TASP1: variants seen among roughly 807,000 people sequenced by gnomAD.
TASP1 encodes the protein threonine aspartase 1.
In TASP1, 16 loss-of-function variants were observed where a neutral mutation model predicts 56.6. The observed-to-expected ratio is 0.28, with a 90% CI of 0.19 to 0.43. TASP1 has a LOEUF of 0.43. Among genes scored for constraint, TASP1 ranks in the 20% least tolerant of loss-of-function variants. The probability of loss-of-function intolerance (pLI) is 1.00; values close to 1 mark genes in which losing one functional copy is unlikely to be tolerated. For synonymous variants in TASP1, 179 were observed against 184.2 expected (o/e 0.97, Z 0.23); for missense variants, 393 against 511.6 (o/e 0.77, Z 2.24).
the TASP1 span, among the ~76,000 whole-genome samples, chr20:13,355,030 T>C: frequency 6.6e-6 from 1 of 152,004 alleles, no homozygotes; most frequent in Non-Finnish European, 1.5e-5. Context: ...ACAATTTAGC[T>C]CAAGATTGTG....
the TASP1 span, among the ~76,000 whole-genome samples, chr20:13,343,190 C>G: frequency 6.6e-6 from 1 of 152,194 alleles, no homozygotes; most frequent in Non-Finnish European, 1.5e-5. Context: ...CTACAATTCT[C>G]TCTGCCCACA....
the TASP1 span, among the ~76,000 whole-genome samples, chr20:13,233,063 A>G: frequency 4.0e-5 from 6 of 151,652 alleles, no homozygotes; most frequent in Admixed American, 3.3e-4. Flanking sequence ...AGTGTCCCAG[A>G]AGAAAACTCT....
the TASP1 span, among the ~76,000 whole-genome samples, chr20:13,312,484 TG>T: frequency 2.0e-5 from 3 of 152,196 alleles, no homozygotes; most frequent in Admixed American, 2.0e-4. Context: ...CTCTCCCTCA[TG>T]CACAGTCTGA....
chr20:13,441,214 A>G (rs909341215), intron 11 of TASP1, among the ~76,000 whole-genome samples: 1 of 152,138 alleles, frequency 6.6e-6, no homozygotes, highest in African/African-American at 2.4e-5. Context: ...ACTAGCTCCA[A>G]TATGGCCTCC....
the TASP1 span, among the ~76,000 whole-genome samples, chr20:13,246,257 A>G: frequency 1.4e-5 from 2 of 147,724 alleles, no homozygotes; most frequent in African/African-American, 5.1e-5. Flanking sequence ...TGGGCAACAC[A>G]GCGAGACTCC....
chr20:13,199,146 TC>T, the TASP1 span, among the ~76,000 whole-genome samples: 2 of 151,886 alleles, frequency 1.3e-5, no homozygotes, highest in African/African-American at 2.4e-5. Context: ...CAAACCATTC[TC>T]CCACCTCGGT....
At chr20:13,224,829 C>G in the TASP1 span, among the ~76,000 whole-genome samples, 1 of 149,664 alleles carries the variant, frequency 6.7e-6, no homozygotes, top group Admixed American at 6.6e-5. Context: ...TTTACACATA[C>G]TAGCTTTCTT....
In TASP1 at chr20:13,502,911, C is replaced by T. The variant is rs930555222; in HGVS notation, c.875-19574G>A. ...GAAGAGGATGGGTAAGAGGGATGACCCTTATCGCCCCTCCCCCAAGGTGGC... is the reference window on the plus strand; with the variant it reads ...GAAGAGGATGGGTAAGAGGGATGACTCTTATCGCCCCTCCCCCAAGGTGGC... On this transcript the variant is annotated intron_variant, in intron 10 of 13. Transcript: ENST00000337743. 2.0e-5 allele frequency among the ~76,000 whole-genome samples: 3 copies of T among 152,118 alleles called. No homozygotes were observed. The East Asian group carries it at 5.8e-4, about 29-fold the overall frequency.
chr20:13,626,908 C>CCG (rs2048914767), intron 2 of TASP1, among the ~76,000 whole-genome samples: 3 of 124,138 alleles, frequency 2.4e-5, no homozygotes, highest in African/African-American at 5.5e-5. Flanking sequence ...GAGCCCCCCC[C>CCG]CCACCCCGTA....
intron 2 of TASP1, among the ~76,000 whole-genome samples, chr20:13,625,762 C>A (rs2048867008): frequency 6.6e-6 from 1 of 152,166 alleles, no homozygotes; most frequent in Non-Finnish European, 1.5e-5. Flanking sequence ...CCACCAATTG[C>A]ACCATTCCTA....
chr20:13,379,541 C>G, the TASP1 span, among the ~76,000 whole-genome samples: 1 of 151,960 alleles, frequency 6.6e-6, no homozygotes, highest in Non-Finnish European at 1.5e-5. Context: ...GTAAATCTGA[C>G]AAACATGCGT....
At chr20:13,386,964 C>T (rs2041167096), downstream of TASP1, among the ~76,000 whole-genome samples, 1 of 151,940 alleles carries the variant, frequency 6.6e-6, no homozygotes, top group Admixed American at 6.6e-5. Flanking sequence ...ATTGTATCAC[C>T]CAGTTAATCA....
At position 13,458,177 on chromosome 20, in the gene TASP1, C is replaced by T. The variant is rs553851854; in HGVS notation, c.986-23023G>A. Among the ~76,000 whole-genome samples, 14 of 151,952 alleles carry T rather than the reference C, an allele frequency of 9.2e-5. No homozygotes were observed. The South Asian group carries it at 1.2e-3, about 14-fold the overall frequency. ...TCAACATTAGAAGTAATGGTCAATC[C>T]GAAATATTTCAAAACCGCACACTTA... On this transcript the variant is annotated intron_variant, in intron 11 of 13. Coordinates refer to ENST00000337743, the MANE Select transcript of TASP1 (RefSeq NM_017714.3).
chr20:13,242,921 G>A, the TASP1 span, among the ~76,000 whole-genome samples: 1 of 152,252 alleles, frequency 6.6e-6, no homozygotes, highest in South Asian at 2.1e-4. Context: ...ACTTTTTTAA[G>A]CATTTGATTA....
chr20:13,147,638 T>C, the TASP1 span, among the ~76,000 whole-genome samples: 1 of 152,198 alleles, frequency 6.6e-6, no homozygotes, highest in Non-Finnish European at 1.5e-5. Flanking sequence ...AATTTGATTT[T>C]CCCTGGGTTA....
At chr20:13,190,915 A>T in the TASP1 span, among the ~76,000 whole-genome samples, 1 of 152,118 alleles carries the variant, frequency 6.6e-6, no homozygotes, top group African/African-American at 2.4e-5. Flanking sequence ...ATCAAATTTT[A>T]AAATGAGCAA....
chr20:13,529,720 T>G (rs914810240), intron 9 of TASP1, among the ~76,000 whole-genome samples: 7 of 152,334 alleles, frequency 4.6e-5, no homozygotes, highest in African/African-American at 1.4e-4. Flanking sequence ...AAAGCAGTAC[T>G]GATATTTTCT....
the TASP1 span, among the ~76,000 whole-genome samples, chr20:13,372,451 G>C: frequency 6.6e-6 from 1 of 151,452 alleles, no homozygotes; most frequent in Non-Finnish European, 1.5e-5. Flanking sequence ...TTATTTGCTA[G>C]GTTTTATATT....
At chr20:13,488,812 A>G (rs1416979500) in intron 10 of TASP1, among the ~76,000 whole-genome samples, 1 of 151,780 alleles carries the variant, frequency 6.6e-6, no homozygotes, top group Non-Finnish European at 1.5e-5. Context: ...CCTCCATCTC[A>G]CCAAAAACTG....
Sources: allele counts gnomAD v4.1 joint callset (sites outside exome capture counted in the v4.1 genomes callset), GRCh38; gene constraint gnomAD v4.1.1; transcripts MANE v1.5; gene names NCBI Gene and HGNC (gene_info 2026-07-23, HGNC 2026-07-21).